Variants in SPATA22 observed in about 807,000 individuals in gnomAD.
The protein encoded by SPATA22 is spermatogenesis associated 22.
A neutral mutation model predicts 47.8 loss-of-function variants in SPATA22; 29 were observed. That is an observed-to-expected ratio of 0.61 (90% CI 0.45 to 0.83). The LOEUF (loss-of-function observed/expected upper bound fraction) is 0.83, where lower values mean the gene tolerates loss of function less well. Ranked by LOEUF, SPATA22 falls within the 40% of genes least tolerant of loss-of-function variation. The probability of loss-of-function intolerance (pLI) is 0.00; values close to 1 mark genes in which losing one functional copy is unlikely to be tolerated. For missense variants in SPATA22, 410 were observed against 421.7 expected (o/e 0.97, Z 0.24); for synonymous variants, 133 against 140.9 (o/e 0.94, Z 0.40).
chr17:3,504,306 G>A (rs2074021358), intron 1 of SPATA22, among the ~76,000 whole-genome samples: 1 of 152,172 alleles, frequency 6.6e-6, no homozygotes, highest in Non-Finnish European at 1.5e-5. Context: ...CAATAGAGGT[G>A]AGTTGAATAA....
At chr17:3,457,227 G>A (rs2073018812) in intron 5 of SPATA22, among the ~76,000 whole-genome samples, 1 of 151,686 alleles carries the variant, frequency 6.6e-6, no homozygotes, top group Admixed American at 6.6e-5. Flanking sequence ...GGAAATAAAG[G>A]GTATTCAATT....
intron 1 of SPATA22, 102 bp from the exon 2 acceptor site, chr17:3,469,500 G>A: frequency 1.8e-6 from 1 of 557,024 alleles, no homozygotes; most frequent in Non-Finnish European, 3.1e-6. Context: ...TTTCAAACCT[G>A]ATCACGTAAA....
chr17:3,494,852 T>C (rs542808254), intron 1 of SPATA22, among the ~76,000 whole-genome samples: 1 of 152,198 alleles, frequency 6.6e-6, no homozygotes. Flanking sequence ...ATGTCTATTT[T>C]AATATAAGGA....
rs925504908 is a variant in SPATA22 at position 3,490,578 on chromosome 17, G to C, written c.-73-21180C>G. 6.6e-6 allele frequency among the ~76,000 whole-genome samples: 1 copy of C among 152,080 alleles called. No individual in the cohort carries two copies. The highest frequency in any genetic ancestry group is 1.5e-5 in the Non-Finnish European group (1 of 68,022). ...AATCACAGACATTCGTTTTGTGCTT[G>C]GGAATCCTTTGACTCCAAAATCATG... On this transcript the variant is annotated intron_variant, in intron 1 of 8. Coordinates refer to the SPATA22 transcript ENST00000541913. This position sits in a 1 kb window ranked among gnomAD's most constrained non-coding sequence, Gnocchi z 4.6.
chr17:3,463,625 TAC>T (rs1433719787), intron 3 of SPATA22, among the ~76,000 whole-genome samples: 14 of 152,012 alleles, frequency 9.2e-5, no homozygotes, highest in Non-Finnish European at 1.5e-4. Flanking sequence ...TACACTACTG[TAC>T]ACTAAACACA....
At chr17:3,459,059 G>GTA (rs2073064303) in intron 5 of SPATA22, among the ~76,000 whole-genome samples, 3 of 97,602 alleles carry the variant, frequency 3.1e-5, no homozygotes, top group Non-Finnish European at 4.2e-5. Context: ...AAGAATGTGT[G>GTA]GGATCTTTAC....
chr17:3,494,219 T>C (rs1597445439), intron 1 of SPATA22: 5 of 685,922 alleles, frequency 7.3e-6, no homozygotes, highest in Non-Finnish European at 1.4e-5. Flanking sequence ...GGCCAGGCTG[T>C]TCTCGAACTC....
chr17:3,444,591 G>A (rs1293887873), intron 7 of SPATA22, among the ~76,000 whole-genome samples: 1 of 152,042 alleles, frequency 6.6e-6, no homozygotes, highest in Non-Finnish European at 1.5e-5. Context: ...CGTTATGACT[G>A]GCCAGAAGGA....
At chr17:3,484,838 G>C (rs929882296) in intron 1 of SPATA22, among the ~76,000 whole-genome samples, 2 of 151,946 alleles carry the variant, frequency 1.3e-5, no homozygotes, top group African/African-American at 4.8e-5. Context: ...CATATACAAG[G>C]GCCCCAAACC....
intron 3 of SPATA22, among the ~76,000 whole-genome samples, chr17:3,463,945 CCCTCTGCCTCTCCCTCTG>C (rs1276670426): frequency 3.1e-4 from 9 of 28,814 alleles, no homozygotes; most frequent in East Asian, 1.0e-3. Context: ...CTCTCCCTCT[CCCTCTGCCTCTCCCTCTG>C]CCTCTCCCTC....
At chr17:3,498,853 C>G in intron 1 of SPATA22, 1 of 1,451,834 alleles carries the variant, frequency 6.9e-7, no homozygotes, top group Non-Finnish European at 9.1e-7. Context: ...AGGAGAAAAA[C>G]CAAATATAAT....
chr17:3,475,346 G>A (rs1215997947), upstream of SPATA22: 2 of 152,316 alleles, frequency 1.3e-5, no homozygotes, highest in African/African-American at 4.8e-5. Flanking sequence ...CACATGCAGT[G>A]TGTCCCAAGA....
At chr17:3,479,964 T>A (rs543217044) in intron 1 of SPATA22, among the ~76,000 whole-genome samples, 3 of 152,124 alleles carry the variant, frequency 2.0e-5, no homozygotes, top group African/African-American at 4.8e-5. Flanking sequence ...CATTTGAGAA[T>A]GGAAGAAAAA....
chr17:3,473,291 G>A (rs1323265762), upstream of SPATA22, among the ~76,000 whole-genome samples: 1 of 152,144 alleles, frequency 6.6e-6, no homozygotes, highest in Admixed American at 6.5e-5. Flanking sequence ...GAAAACTAAA[G>A]TAGTAAAAGT....
intron 3 of SPATA22, among the ~76,000 whole-genome samples, chr17:3,464,896 G>GA (rs1157262361): frequency 1.0e-5 from 1 of 98,156 alleles, no homozygotes; most frequent in East Asian, 2.2e-4. Flanking sequence ...GGTGGGGGGG[G>GA]GTCAGCCCCC....
At chr17:3,462,614 T>C (rs1371443239) in intron 4 of SPATA22, 36 bp from the exon 5 acceptor site, 1 of 1,596,296 alleles carries the variant, frequency 6.3e-7, no homozygotes, top group Non-Finnish European at 8.6e-7. Context: ...ATATTAATAG[T>C]TTGCTTTCAA....
At position 3,485,934 on chromosome 17, in the gene SPATA22, CTTT is replaced by C. The variant is rs145731380; in HGVS notation, c.-73-16539_-73-16537del. Among the ~76,000 whole-genome samples, 7 of 142,380 alleles carry C rather than the reference CTTT, an allele frequency of 4.9e-5. No homozygotes were observed. The highest frequency in any genetic ancestry group is 7.6e-5 in the Non-Finnish European group (5 of 65,564). The allele number at this position is 142,380 out of a possible 152,430, so 93.4% of individuals were successfully genotyped here. A position where few individuals can be genotyped will look rare whatever the true frequency, so the allele number is the denominator to read the frequency against. ...CAGTGGTTGCATTCTAGGAGGGAAC[CTTT>C]TTTTTTTTTTTTGAGACGGAGTTTC... On this transcript the variant is annotated intron_variant, in intron 1 of 8. Transcript: ENST00000541913. The surrounding 1 kb of genome is among the most constrained non-coding windows in gnomAD (Gnocchi z 4.4).
At chr17:3,486,649 C>A (rs1009203347) in intron 1 of SPATA22, among the ~76,000 whole-genome samples, 2 of 152,180 alleles carry the variant, frequency 1.3e-5, no homozygotes, top group African/African-American at 4.8e-5. Flanking sequence ...GCAGACTACA[C>A]TACAATTAAA....
chr17:3,463,018 G>A (rs967944253), intron 3 of SPATA22, among the ~76,000 whole-genome samples: 1 of 152,124 alleles, frequency 6.6e-6, no homozygotes, highest in Non-Finnish European at 1.5e-5. Flanking sequence ...ATCAGTTCTA[G>A]TATAGTATCT....
Sources: gnomAD v4.1 joint callset for allele counts (sites outside exome capture counted in the v4.1 genomes callset) on GRCh38, gnomAD v4.1.1 for gene constraint, Gnocchi (gnomAD v3.1) non-coding constraint, MANE v1.5 for transcripts, NCBI Gene and HGNC (gene_info 2026-07-23, HGNC 2026-07-21) for gene names.